Variants in CTXND2 observed in about 807,000 individuals in gnomAD.
The protein encoded by CTXND2 is cortexin domain containing 2.
intron 1 of CTXND2, among the ~76,000 whole-genome samples, chr1:150,902,187 G>T (rs1274208257): frequency 1.3e-5 from 2 of 151,938 alleles, no homozygotes; most frequent in African/African-American, 4.8e-5. Flanking sequence ...AGATCACAAG[G>T]TCAGGATATT....
intron 1 of CTXND2, among the ~76,000 whole-genome samples, chr1:150,902,753 G>C (rs771289474): frequency 6.6e-6 from 1 of 152,078 alleles, no homozygotes; most frequent in Non-Finnish European, 1.5e-5. Context: ...AACTCTTAAA[G>C]TGGAATATAA....
intron 1 of CTXND2, 143 bp from the exon 2 acceptor site, chr1:150,912,099 C>CT (rs1385535708): frequency 5.4e-6 from 2 of 370,130 alleles, no homozygotes; most frequent in Non-Finnish European, 9.6e-6. Flanking sequence ...TCTATATTAA[C>CT]TTTATCAGTT....
chr1:150,899,954 A>C (rs587675971), intron 1 of CTXND2, among the ~76,000 whole-genome samples: 7 of 152,296 alleles, frequency 4.6e-5, no homozygotes, highest in Admixed American at 3.3e-4. Flanking sequence ...CGCACCAATC[A>C]GCACTCTGTA....
exon 2 of CTXND2, chr1:150,912,284 G>A (rs922436049): frequency 2.8e-5 from 11 of 398,484 alleles, no homozygotes; most frequent in Admixed American, 1.3e-4. Context: ...ATTAGCTGGA[G>A]CTGGACAACA....
intron 1 of CTXND2, among the ~76,000 whole-genome samples, chr1:150,899,798 A>T (rs1355257168): frequency 6.6e-6 from 1 of 152,182 alleles, no homozygotes; most frequent in East Asian, 1.9e-4. Flanking sequence ...TCTACTAAAA[A>T]TACAAAACAC....
intron 1 of CTXND2, among the ~76,000 whole-genome samples, chr1:150,894,785 C>T (rs1029316756): frequency 1.3e-5 from 2 of 152,064 alleles, no homozygotes; most frequent in African/African-American, 4.8e-5. Context: ...CCTGTAATCC[C>T]AGCATTTTGG....
chr1:150,900,255 G>A (rs371594553), intron 1 of CTXND2, among the ~76,000 whole-genome samples: 6 of 152,044 alleles, frequency 3.9e-5, no homozygotes, highest in Admixed American at 1.3e-4. Context: ...CGAACCCACC[G>A]AGAGGAACGA....
chr1:150,906,924 G>A (rs1197979439), intron 1 of CTXND2, among the ~76,000 whole-genome samples: 4 of 152,132 alleles, frequency 2.6e-5, no homozygotes, highest in African/African-American at 7.2e-5. Flanking sequence ...GAAGAGAAAC[G>A]CTACTCAAAA....
chr1:150,911,477 G>A (rs1035762362), intron 1 of CTXND2, among the ~76,000 whole-genome samples: 3 of 149,178 alleles, frequency 2.0e-5, no homozygotes, highest in Non-Finnish European at 3.0e-5. Flanking sequence ...GCTCTGTTGC[G>A]CAGGCTGGAG....
intron 1 of CTXND2, among the ~76,000 whole-genome samples, chr1:150,889,938 A>G (rs977252383): frequency 6.6e-6 from 1 of 152,114 alleles, no homozygotes; most frequent in Non-Finnish European, 1.5e-5. Flanking sequence ...ACAGTAAGAT[A>G]TGGCCCCTGC....
intron 1 of CTXND2, among the ~76,000 whole-genome samples, chr1:150,910,600 T>C (rs1488080423): frequency 6.6e-6 from 1 of 151,762 alleles, no homozygotes; most frequent in Non-Finnish European, 1.5e-5. Context: ...TACTTGGTCA[T>C]AGATACATGG....
intron 1 of CTXND2, among the ~76,000 whole-genome samples, chr1:150,908,969 G>A (rs1669200506): frequency 6.6e-6 from 1 of 152,012 alleles, no homozygotes; most frequent in African/African-American, 2.4e-5. Flanking sequence ...GCTGGGCGCA[G>A]TGGGTCACGC....
chr1:150,904,998 A>G (rs1439908626), intron 1 of CTXND2, among the ~76,000 whole-genome samples: 2 of 151,788 alleles, frequency 1.3e-5, no homozygotes, highest in Non-Finnish European at 2.9e-5. Flanking sequence ...GGATTAAAGT[A>G]GAGGAGATAC....
intron 1 of CTXND2, among the ~76,000 whole-genome samples, chr1:150,888,752 G>C (rs1335672889): frequency 6.6e-6 from 1 of 151,860 alleles, no homozygotes; most frequent in Admixed American, 6.6e-5. Context: ...GTGCAGTGGT[G>C]CGATCATGGC....
At chr1:150,899,097 C>CAAATAAAT (rs71090107) in intron 1 of CTXND2, among the ~76,000 whole-genome samples, 194 of 119,846 alleles carry the variant, frequency 1.6e-3, no homozygotes, top group Admixed American at 2.1e-3. Context: ...GACTCCGTCT[C>CAAATAAAT]AAATAAATAA....
At chr1:150,899,262 C>T (rs1197548708) in intron 1 of CTXND2, among the ~76,000 whole-genome samples, 1 of 151,946 alleles carries the variant, frequency 6.6e-6, no homozygotes, top group Non-Finnish European at 1.5e-5. Context: ...TAGCAAGACC[C>T]CCATCTCTAC....
At chr1:150,898,996 G>A (rs1668955424) in intron 1 of CTXND2, among the ~76,000 whole-genome samples, 1 of 149,722 alleles carries the variant, frequency 6.7e-6, no homozygotes, top group Non-Finnish European at 1.5e-5. Flanking sequence ...TACTTGGGGG[G>A]CTGAGGCAGG....
intron 1 of CTXND2, among the ~76,000 whole-genome samples, chr1:150,898,856 T>A (rs1668950258): frequency 6.7e-6 from 1 of 148,370 alleles, no homozygotes. Flanking sequence ...GGCGGGCGGA[T>A]CACGAGGTCA....
At chr1:150,903,749 G>GA in intron 1 of CTXND2, 1 of 343,860 alleles carries the variant, frequency 2.9e-6, no homozygotes, top group South Asian at 2.5e-5. Context: ...AGTGAGCAGA[G>GA]ATTGCGCCAT....
Sources: allele counts gnomAD v4.1 joint callset (sites outside exome capture counted in the v4.1 genomes callset), GRCh38; gene constraint gnomAD v4.1.1; transcripts MANE v1.5; gene names NCBI Gene and HGNC (gene_info 2026-07-23, HGNC 2026-07-21).